Variants in AGAP1 observed in about 807,000 individuals in gnomAD.
AGAP1 encodes ArfGAP with GTPase domain, ankyrin repeat and PH domain 1.
Under a neutral mutation model 105.3 loss-of-function variants are expected in AGAP1, and 29 were observed. That is an observed-to-expected ratio of 0.28 (90% confidence interval 0.21 to 0.38). The LOEUF is 0.38. Among genes scored for constraint, AGAP1 ranks in the 10% least tolerant of loss-of-function variants. The pLI is 1.00. For missense variants in AGAP1, 998 were observed against 1,165.1 expected (o/e 0.86, Z 2.09); for synonymous variants, 509 against 485.9 (o/e 1.05, Z -0.63).
chr2:235,750,605 G>A lies in AGAP1; in HGVS notation c.673+117G>A. 2 of 1,464,396 alleles carry A rather than the reference G, an allele frequency of 1.4e-6. No homozygotes were observed. The highest frequency in any genetic ancestry group is 1.2e-5 in the South Asian group (1 of 83,758). The allele number at this position is 1,464,396 out of a possible 1,614,324, so 90.7% of individuals were successfully genotyped here. ...TGGTGGAAATATGTCGTTGATGGGT[G>A]GGCATTAGTATCGAGAGCAGTCCAT... On this transcript the variant is annotated intron_variant, in intron 6 of 17. Transcript: ENST00000304032. The surrounding 1 kb of genome is among the most constrained non-coding windows in gnomAD (Gnocchi z 5.3).
In AGAP1 at chr2:235,603,240, T is replaced by C. The variant is rs187940858; in HGVS notation, c.164-105939T>C. ...CTCGTCTCTCTCTTGCCTGCCGCCA[T>C]GTAAGATGTGCCTTTCACCTTCTGC... is the stretch of plus-strand genomic sequence containing the variant. On this transcript the variant is annotated intron_variant, in intron 1 of 17. Coordinates refer to ENST00000304032, the MANE Select transcript of AGAP1 (RefSeq NM_001037131.3). 2.0e-5 allele frequency among the ~76,000 whole-genome samples: 3 copies of C among 152,132 alleles called. No individual in the cohort carries two copies. In the East Asian group the frequency reaches 5.8e-4, roughly 29 times the overall value.
intron 13 of AGAP1, among the ~76,000 whole-genome samples, chr2:236,026,691 T>C (rs532181968): frequency 2.8e-4 from 42 of 152,224 alleles, no homozygotes; most frequent in African/African-American, 9.4e-4. Flanking sequence ...ATCATGCCAT[T>C]GCACTCCAGC....
intron 16 of AGAP1, 24 bp downstream of exon 16, chr2:236,049,305 G>A: frequency 6.3e-7 from 1 of 1,596,886 alleles, no homozygotes; most frequent in Non-Finnish European, 8.6e-7. Context: ...AAGATGCCTG[G>A]CTCCCGACAC....
At position 235,930,691 on chromosome 2, in the gene AGAP1, C is replaced by T; in HGVS notation, c.1325-74C>T. ...GTGCACTATGTGCCAGCGTGTGGGT[C>T]CCATAGACTAACTCGCGCTGGTTTC... On this transcript the variant is annotated intron_variant, in intron 11 of 17. Transcript: ENST00000304032. This position sits in a 1 kb window ranked among gnomAD's most constrained non-coding sequence, Gnocchi z 7.9. 6.7e-7 allele frequency: 1 copy of T among 1,488,502 alleles called. No individual in the cohort carries two copies. The highest frequency in any genetic ancestry group is 9.1e-7 in the Non-Finnish European group (1 of 1,095,832). The allele number at this position is 1,488,502 out of a possible 1,614,324, so 92.2% of individuals were successfully genotyped here. A position where few individuals can be genotyped will look rare whatever the true frequency, so the allele number is the denominator to read the frequency against.
rs2054076999 is a variant in AGAP1 at position 235,959,226 on chromosome 2, A to G, written c.1484-9236A>G. 6.6e-6 allele frequency among the ~76,000 whole-genome samples: 1 copy of G among 152,192 alleles called. No individual in the cohort carries two copies. The highest frequency in any genetic ancestry group is 1.5e-5 in the Non-Finnish European group (1 of 68,026). Reference sequence around the variant, plus strand: ...ATACAAAATAAAATGCATTCTTTGTATGCAGCCAGGAGGAGCGGATGGCGC... The same window carrying G: ...ATACAAAATAAAATGCATTCTTTGTGTGCAGCCAGGAGGAGCGGATGGCGC... On this transcript the variant is annotated intron_variant, in intron 12 of 17. Coordinates refer to ENST00000304032, the MANE Select transcript of AGAP1 (RefSeq NM_001037131.3). This position sits in a 1 kb window ranked among gnomAD's most constrained non-coding sequence, Gnocchi z 7.3.
At chr2:235,898,175 G>A (rs961815923) in intron 10 of AGAP1, among the ~76,000 whole-genome samples, 10 of 152,202 alleles carry the variant, frequency 6.6e-5, no homozygotes, top group East Asian at 1.9e-4. Flanking sequence ...GTCCTGCCCC[G>A]CAGGGCACTT....
At chr2:235,564,159 C>T (rs973107756) in intron 1 of AGAP1, among the ~76,000 whole-genome samples, 3 of 152,156 alleles carry the variant, frequency 2.0e-5, no homozygotes, top group African/African-American at 7.2e-5. Flanking sequence ...TATTTATGAT[C>T]GTAGCCCTGG....
rs2052088586 is a variant in AGAP1, at chr2:235,919,863, G to T, written c.1325-10902G>T. On this transcript the variant is annotated intron_variant, in intron 11 of 17. Coordinates refer to ENST00000304032, the MANE Select transcript of AGAP1 (RefSeq NM_001037131.3). The surrounding 1 kb of genome is among the most constrained non-coding windows in gnomAD (Gnocchi z 4.1). ...GCTTACACCCCTCATCCTCGCTGTT[G>T]CATCAGCTTGTCCATATAACCCATA... is the stretch of plus-strand genomic sequence containing the variant. Among the ~76,000 whole-genome samples, 2 of 152,156 alleles carry T rather than the reference G, an allele frequency of 1.3e-5. No homozygotes were observed. Among genetic ancestry groups the T allele is most frequent in the Non-Finnish European group, 2.9e-5 (2 of 68,032 alleles).
intron 1 of AGAP1, among the ~76,000 whole-genome samples, chr2:235,629,314 GTGTGTA>G (rs1334419160): frequency 4.1e-4 from 43 of 103,926 alleles, no homozygotes; most frequent in Middle Eastern, 5.6e-3. Flanking sequence ...GTGTGTGTGT[GTGTGTA>G]TGTGTATACA....
chr2:235,820,095 G>A (rs942915718), intron 9 of AGAP1, among the ~76,000 whole-genome samples: 1 of 151,892 alleles, frequency 6.6e-6, no homozygotes, highest in Non-Finnish European at 1.5e-5. Context: ...TAGAGATGGG[G>A]TTTCTCCATG....
chr2:235,929,345 G>A (rs899956021), intron 11 of AGAP1, among the ~76,000 whole-genome samples: 2 of 152,122 alleles, frequency 1.3e-5, no homozygotes, highest in Non-Finnish European at 2.9e-5. Flanking sequence ...TGCTTCTGTA[G>A]GTCCGAAGAC....
chr2:235,657,887 G>A (rs1575057359), intron 1 of AGAP1, among the ~76,000 whole-genome samples: 1 of 152,180 alleles, frequency 6.6e-6, no homozygotes, highest in African/African-American at 2.4e-5. Flanking sequence ...ATAAGAAGAG[G>A]AGATTAAGAC....
chr2:235,497,832 G>A (rs900770415), intron 1 of AGAP1, among the ~76,000 whole-genome samples: 26 of 152,092 alleles, frequency 1.7e-4, no homozygotes, highest in Non-Finnish European at 5.9e-5. Context: ...TCCTAACCTC[G>A]TGATCCACCC....
intron 12 of AGAP1, among the ~76,000 whole-genome samples, chr2:235,956,265 T>C (rs1244207968): frequency 6.6e-6 from 1 of 152,204 alleles, no homozygotes; most frequent in Non-Finnish European, 1.5e-5. Flanking sequence ...TTCCCATTTA[T>C]CGGAGTTCAC....
At chr2:235,670,995 G>A (rs1948383714) in intron 1 of AGAP1, 4 of 1,322,638 alleles carry the variant, frequency 3.0e-6, no homozygotes, top group Middle Eastern at 2.9e-4. Context: ...TTCAGCCTGC[G>A]GCGGGCCCCG....
intron 1 of AGAP1, 69 bp downstream of exon 1, chr2:235,494,918 G>A: frequency 9.7e-6 from 14 of 1,450,114 alleles, no homozygotes; most frequent in Non-Finnish European, 1.1e-5. Context: ...GGTGTGCGCT[G>A]TGTGCGTGCG....
intron 1 of AGAP1, chr2:235,671,004 C>T (rs1245258604): frequency 5.3e-6 from 7 of 1,322,416 alleles, no homozygotes; most frequent in Middle Eastern, 2.8e-4. Context: ...CGGCGGGCCC[C>T]GGCCGAAGCG....
intron 1 of AGAP1, among the ~76,000 whole-genome samples, chr2:235,602,950 C>T (rs968870190): frequency 6.6e-6 from 1 of 152,198 alleles, no homozygotes; most frequent in Admixed American, 6.5e-5. Context: ...GATCCTCCTG[C>T]ATCGGCCTCC....
rs949868747 is a variant in AGAP1 at position 235,596,505 on chromosome 2, G to A, written c.163+101656G>A. 1.3e-5 allele frequency among the ~76,000 whole-genome samples: 2 copies of A among 152,180 alleles called. No individual in the cohort carries two copies. Among genetic ancestry groups the A allele is most frequent in the African/African-American group, 4.8e-5 (2 of 41,450 alleles). On this transcript the variant is annotated intron_variant, in intron 1 of 17. Transcript: ENST00000304032. This position sits in a 1 kb window ranked among gnomAD's most constrained non-coding sequence, Gnocchi z 5.9. ...GGTGGACCTGAGAGTCTGTGTTTCTGGTGAGCCACAGGTAGCACCCCGGCT... is the reference window on the plus strand; with the variant it reads ...GGTGGACCTGAGAGTCTGTGTTTCTAGTGAGCCACAGGTAGCACCCCGGCT...
Sources: allele counts gnomAD v4.1 joint callset (sites outside exome capture counted in the v4.1 genomes callset), GRCh38; gene constraint gnomAD v4.1.1; non-coding constraint Gnocchi (gnomAD v3.1); transcripts MANE v1.5; gene names NCBI Gene and HGNC (gene_info 2026-07-23, HGNC 2026-07-21).